The following KCNJ2 variants were observed in gnomAD, a reference collection of about 807,000 sequenced individuals.
KCNJ2 encodes potassium inwardly rectifying channel subfamily J member 2.
In KCNJ2, 12 loss-of-function variants were observed where a neutral mutation model predicts 28.4. The ratio of observed to expected loss-of-function variants is 0.42; its 90% CI spans 0.27 to 0.68. The LOEUF is 0.68. KCNJ2 is among the 30% of genes least tolerant of loss of function. KCNJ2 has a pLI of 0.23. For missense variants in KCNJ2, 320 were observed against 551.3 expected (o/e 0.58, Z 4.20); for synonymous variants, 200 against 203.2 (o/e 0.98, Z 0.13).
intron 1 of KCNJ2, among the ~76,000 whole-genome samples, chr17:70,171,861 T>G (rs2074366829): frequency 6.6e-6 from 1 of 152,218 alleles, no homozygotes; most frequent in Non-Finnish European, 1.5e-5. Context: ...TTAAATATTT[T>G]GGCTGGAAGG....
In KCNJ2 at chr17:70,175,849, C is replaced by T. The variant is rs1049263340; in HGVS notation, c.810C>T (p.Val270=). Residue 270 remains valine, a synonymous_variant, in exon 2 of 2, where the codon GTC becomes GTT. Coordinates refer to ENST00000243457, the MANE Select transcript of KCNJ2 (RefSeq NM_000891.3). This position sits in a 1 kb window ranked among gnomAD's most constrained non-coding sequence, Gnocchi z 8.3. ...TTCTGGTGTCCCCAATCACTATAGT[C>T]CATGAAATAGATGAAGACAGTCCTT... is the stretch of plus-strand genomic sequence containing the variant. ...RIFLVSPITI[V]HEIDEDSPLY... is the part of the protein sequence containing the mutation. 3 of 1,614,112 alleles carry T rather than the reference C, an allele frequency of 1.9e-6. No homozygotes were observed. The Admixed American group carries it at 5.0e-5, about 27-fold the overall frequency.
At chr17:70,172,261 A>G (rs1431854949) in intron 1 of KCNJ2, among the ~76,000 whole-genome samples, 2 of 150,838 alleles carry the variant, frequency 1.3e-5, no homozygotes, top group Non-Finnish European at 2.9e-5. Context: ...ATACACACAT[A>G]AATCTGTTTG....
intron 1 of KCNJ2, among the ~76,000 whole-genome samples, chr17:70,170,436 G>A (rs1013525077): frequency 1.3e-5 from 2 of 151,570 alleles, no homozygotes; most frequent in Non-Finnish European, 2.9e-5. Context: ...TCATAGCGTG[G>A]ATTCATCATG....
Position 70,176,472 on chromosome 17 carries a change from G to C in KCNJ2, c.*149G>C. On this transcript the variant is annotated 3_prime_UTR_variant, in exon 2 of 2. Coordinates refer to ENST00000243457, the MANE Select transcript of KCNJ2 (RefSeq NM_000891.3). ...GGCAAGCACAATGGTTTCAAAGAAA[G>C]ACTGTAAGCTCCATGATTAGCATAA... 1.4e-6 allele frequency: 1 copy of C among 734,362 alleles called. No homozygotes were observed. 45.5% of individuals were successfully genotyped at this position (734,362 alleles called of 1,614,324 possible). A position where few individuals can be genotyped will look rare whatever the true frequency, so the allele number is the denominator to read the frequency against.
intron 1 of KCNJ2, among the ~76,000 whole-genome samples, 157 bp from the exon 2 acceptor site, chr17:70,174,667 A>G (rs777653307): frequency 2.0e-5 from 3 of 152,250 alleles, no homozygotes; most frequent in Non-Finnish European, 4.4e-5. Flanking sequence ...TTTACAAAGC[A>G]TGCTTAGGAT....
At position 70,179,846 on chromosome 17, in the gene KCNJ2, A is replaced by C. The variant is rs2074417454; in HGVS notation, c.*3523A>C. 1 of 166,838 alleles carries C rather than the reference A, an allele frequency of 6.0e-6. No homozygotes were observed. Among genetic ancestry groups the C allele is most frequent in the Admixed American group, 6.6e-5 (1 of 15,240 alleles). 10.3% of individuals were successfully genotyped at this position (166,838 alleles called of 1,614,324 possible). A position where few individuals can be genotyped will look rare whatever the true frequency, so the allele number is the denominator to read the frequency against. ...AGCAAAGTAGAATCTCTTTTCTGGT[A>C]ATTTTGGGTTTCCGCTCTGGGCTCT... On this transcript the variant is annotated 3_prime_UTR_variant, in exon 2 of 2. Coordinates refer to ENST00000243457, the MANE Select transcript of KCNJ2 (RefSeq NM_000891.3).
intron 1 of KCNJ2, among the ~76,000 whole-genome samples, chr17:70,171,677 C>T (rs1042405757): frequency 2.6e-5 from 4 of 152,140 alleles, no homozygotes; most frequent in Non-Finnish European, 5.9e-5. Context: ...AAGTTTAAAA[C>T]GCTGAACTAT....
rs1220186868 is a variant in KCNJ2 at position 70,175,621 on chromosome 17, C to T, written c.582C>T (p.Val194=). 1 of 1,614,198 alleles carries T rather than the reference C, an allele frequency of 6.2e-7. No homozygotes were observed. The highest frequency in any genetic ancestry group is 8.5e-7 in the Non-Finnish European group (1 of 1,180,044). Residue 194 remains valine, a synonymous_variant, in exon 2 of 2, where the codon GTC becomes GTT. Coordinates refer to ENST00000243457, the MANE Select transcript of KCNJ2 (RefSeq NM_000891.3). This position sits in a 1 kb window ranked among gnomAD's most constrained non-coding sequence, Gnocchi z 8.3. Reference sequence around the variant, plus strand: ...CAAAGAAGAGAAACGAGACTCTTGTCTTCAGTCACAATGCCGTGATTGCCA... The same window carrying T: ...CAAAGAAGAGAAACGAGACTCTTGTTTTCAGTCACAATGCCGTGATTGCCA... ...AKPKKRNETL[V]FSHNAVIAMR... is the part of the protein sequence containing the mutation.
intron 1 of KCNJ2, among the ~76,000 whole-genome samples, chr17:70,170,370 T>G (rs1420721785): frequency 6.6e-6 from 1 of 152,120 alleles, no homozygotes; most frequent in Non-Finnish European, 1.5e-5. Context: ...TTGAAGACAG[T>G]GTGGTTTTAG....
chr17:70,174,895 C>T lies in KCNJ2; in HGVS notation c.-145C>T. 1.3e-6 allele frequency: 1 copy of T among 791,962 alleles called. No individual in the cohort carries two copies. 49.1% of individuals were successfully genotyped at this position (791,962 alleles called of 1,614,324 possible). On this transcript the variant is annotated 5_prime_UTR_variant, in exon 2 of 2. Coordinates refer to ENST00000243457, the MANE Select transcript of KCNJ2 (RefSeq NM_000891.3). Reference sequence around the variant, plus strand: ...GTCAGTAGACAGACCTTGGTAGAACCACAAGGCTCCCAGAGACACCCATCT... The same window carrying T: ...GTCAGTAGACAGACCTTGGTAGAACTACAAGGCTCCCAGAGACACCCATCT...
chr17:70,172,882 C>T (rs1377070072), intron 1 of KCNJ2, among the ~76,000 whole-genome samples: 1 of 152,122 alleles, frequency 6.6e-6, no homozygotes, highest in Non-Finnish European at 1.5e-5. Flanking sequence ...GAAATAATTG[C>T]TTAAAAAATG....
intron 1 of KCNJ2, among the ~76,000 whole-genome samples, chr17:70,170,636 T>C (rs950791631): frequency 1.5e-4 from 23 of 152,250 alleles, no homozygotes; most frequent in Admixed American, 5.2e-4. Flanking sequence ...TATTGCGTTT[T>C]ATCATTTGTT....
chr17:70,179,634 T>A lies in KCNJ2; in HGVS notation c.*3311T>A. On this transcript the variant is annotated 3_prime_UTR_variant, in exon 2 of 2. Coordinates refer to ENST00000243457, the MANE Select transcript of KCNJ2 (RefSeq NM_000891.3). Reference sequence around the variant, plus strand: ...ATCTCAACTCTGTTTATTTGATGAGTTCTGTCCCGTAAATCATATTTCCCT... The same window carrying A: ...ATCTCAACTCTGTTTATTTGATGAGATCTGTCCCGTAAATCATATTTCCCT... 1 of 166,476 alleles carries A rather than the reference T, an allele frequency of 6.0e-6. No individual in the cohort carries two copies. The highest frequency in any genetic ancestry group is 1.5e-5 in the Non-Finnish European group (1 of 68,098). The allele number at this position is 166,476 out of a possible 1,614,324, so 10.3% of individuals were successfully genotyped here.
At chr17:70,174,762 TAGAC>T (rs1370346840) in intron 1 of KCNJ2, 58 bp from the exon 2 acceptor site, 2 of 512,540 alleles carry the variant, frequency 3.9e-6, no homozygotes, top group South Asian at 2.1e-5. Flanking sequence ...TATATTGTCT[TAGAC>T]AGTAGAATTC....
At position 70,174,985 on chromosome 17, in the gene KCNJ2, G is replaced by A. The variant is rs1042942186; in HGVS notation, c.-55G>A. 2 of 1,581,022 alleles carry A rather than the reference G, an allele frequency of 1.3e-6. No individual in the cohort carries two copies. The highest frequency in any genetic ancestry group is 1.7e-6 in the Non-Finnish European group (2 of 1,153,056). On this transcript the variant is annotated 5_prime_UTR_variant, in exon 2 of 2. Transcript: ENST00000243457. ...CAAAACTGTTTCTCCAAAGCGTTTTGCAAAAACTCAGACTGTTTTCCAAAG... is the reference window on the plus strand; with the variant it reads ...CAAAACTGTTTCTCCAAAGCGTTTTACAAAAACTCAGACTGTTTTCCAAAG...
At chr17:70,174,404 A>T (rs2074380239) in intron 1 of KCNJ2, among the ~76,000 whole-genome samples, 1 of 152,210 alleles carries the variant, frequency 6.6e-6, no homozygotes, top group Non-Finnish European at 1.5e-5. Flanking sequence ...AAGTTTTCTA[A>T]ACATGTCCTT....
chr17:70,175,066 C>T lies in KCNJ2; in HGVS notation c.27C>T (p.Tyr9=). The part of the protein sequence containing the change: MGSVRTNR[Y]SIVSSEEDGM... Reference sequence around the variant, plus strand: ...TGGGCAGTGTGCGAACCAACCGCTACAGCATCGTCTCTTCAGAAGAAGACG... The same window carrying T: ...TGGGCAGTGTGCGAACCAACCGCTATAGCATCGTCTCTTCAGAAGAAGACG... The change falls in exon 2 of 2, where the codon TAC becomes TAT. Residue 9 remains tyrosine, a synonymous_variant. Coordinates refer to ENST00000243457, the MANE Select transcript of KCNJ2 (RefSeq NM_000891.3). The surrounding 1 kb of genome is among the most constrained non-coding windows in gnomAD (Gnocchi z 8.3). The T allele has an allele frequency of 6.2e-7, 1 of 1,614,160 alleles. No individual in the cohort carries two copies. Among genetic ancestry groups the T allele is most frequent in the Non-Finnish European group, 8.5e-7 (1 of 1,180,026 alleles).
Position 70,177,574 on chromosome 17 carries a change from C to T in KCNJ2, c.*1251C>T, listed in dbSNP as rs9894661. 9,571 of 167,226 alleles carry T rather than the reference C, an allele frequency of 0.057. 1,018 individuals carry two copies. The highest frequency in any genetic ancestry group is 0.22 in the African/African-American group (9,061 of 41,522). 10.4% of individuals were successfully genotyped at this position (167,226 alleles called of 1,614,324 possible). ...CCCACCTTCACCTTAGGGAAGATGC[C>T]ACACCTGGCCTCCACACTTGCTCTT... On this transcript the variant is annotated 3_prime_UTR_variant, in exon 2 of 2. Coordinates refer to ENST00000243457, the MANE Select transcript of KCNJ2 (RefSeq NM_000891.3).
Position 70,178,911 on chromosome 17 carries a change from T to C in KCNJ2, c.*2588T>C, listed in dbSNP as rs548679749. On this transcript the variant is annotated 3_prime_UTR_variant, in exon 2 of 2. Coordinates refer to ENST00000243457, the MANE Select transcript of KCNJ2 (RefSeq NM_000891.3). ...AGTAATTTCTGAGAGCTAGTACCTATATGCTACCGGTTAGCATGGTTTTAG... is the reference window on the plus strand; with the variant it reads ...AGTAATTTCTGAGAGCTAGTACCTACATGCTACCGGTTAGCATGGTTTTAG... 1.2e-5 allele frequency: 2 copies of C among 167,118 alleles called. No individual in the cohort carries two copies. The highest frequency in any genetic ancestry group is 4.8e-5 in the African/African-American group (2 of 41,554). The allele number at this position is 167,118 out of a possible 1,614,324, so 10.4% of individuals were successfully genotyped here.
Sources: gnomAD v4.1 joint callset for allele counts (sites outside exome capture counted in the v4.1 genomes callset) on GRCh38, gnomAD v4.1.1 for gene constraint, Gnocchi (gnomAD v3.1) non-coding constraint, MANE v1.5 for transcripts, NCBI Gene and HGNC (gene_info 2026-07-23, HGNC 2026-07-21) for gene names.